The following PRDM5 variants were observed in gnomAD, a reference collection of about 807,000 sequenced individuals.
The protein encoded by PRDM5 is PR domain zinc finger protein 5.
In PRDM5, 56 loss-of-function variants were observed where a neutral mutation model predicts 81.2. The ratio of observed to expected loss-of-function variants is 0.69; its 90% CI spans 0.56 to 0.86. The LOEUF (loss-of-function observed/expected upper bound fraction) is 0.86, where lower values mean the gene tolerates loss of function less well. Ranked by LOEUF, PRDM5 falls within the 40% of genes least tolerant of loss-of-function variation. The pLI is 0.00. For missense variants in PRDM5, 697 were observed against 770.1 expected (o/e 0.91, Z 1.12); for synonymous variants, 267 against 256.4 (o/e 1.04, Z -0.39).
intron 2 of PRDM5, among the ~76,000 whole-genome samples, chr4:120,863,174 A>T (rs1760803868): frequency 1.2e-5 from 1 of 80,018 alleles, no homozygotes; most frequent in South Asian, 4.7e-4. Context: ...AAAAAAAAAA[A>T]AATATATATA....
At chr4:120,849,491 A>G (rs1759024895) in intron 3 of PRDM5, among the ~76,000 whole-genome samples, 4 of 152,130 alleles carry the variant, frequency 2.6e-5, no homozygotes. Context: ...CCATCCTCAC[A>G]TCCTGACACC....
At chr4:120,876,534 A>G (rs1486895838) in intron 2 of PRDM5, among the ~76,000 whole-genome samples, 1 of 152,206 alleles carries the variant, frequency 6.6e-6, no homozygotes, top group Non-Finnish European at 1.5e-5. Context: ...TTTTAGGAAC[A>G]TATATTGCAT....
chr4:120,919,982 C>CA (rs1188496122), intron 1 of PRDM5, among the ~76,000 whole-genome samples: 1 of 151,866 alleles, frequency 6.6e-6, no homozygotes, highest in African/African-American at 2.4e-5. Context: ...AACAGACCAG[C>CA]AAAAAAGGAT....
chr4:120,773,805 C>T (rs891855094), intron 13 of PRDM5, among the ~76,000 whole-genome samples: 2 of 152,126 alleles, frequency 1.3e-5, no homozygotes, highest in Admixed American at 6.5e-5. Flanking sequence ...TCAAATTCTG[C>T]AATCAAAAGA....
chr4:120,786,417 T>C (rs570110790), intron 10 of PRDM5, among the ~76,000 whole-genome samples: 1 of 152,060 alleles, frequency 6.6e-6, no homozygotes, highest in Non-Finnish European at 1.5e-5. Flanking sequence ...AACAAGTAGG[T>C]CTCTTGCATT....
intron 2 of PRDM5, among the ~76,000 whole-genome samples, chr4:120,899,988 A>T (rs540339143): frequency 6.6e-6 from 1 of 152,274 alleles, no homozygotes; most frequent in African/African-American, 2.4e-5. Context: ...CAGATGGGAG[A>T]GATGCATAGA....
At chr4:120,903,349 T>C (rs1333961923) in intron 2 of PRDM5, among the ~76,000 whole-genome samples, 1 of 152,158 alleles carries the variant, frequency 6.6e-6, no homozygotes, top group Non-Finnish European at 1.5e-5. Flanking sequence ...GGACCAGTTA[T>C]TCTCCTGTAT....
chr4:120,815,259 AG>A (rs1402616755), intron 7 of PRDM5, among the ~76,000 whole-genome samples: 1 of 151,960 alleles, frequency 6.6e-6, no homozygotes, highest in African/African-American at 2.4e-5. Flanking sequence ...TTGCAATCAT[AG>A]GGAAGACCCC....
intron 15 of PRDM5, among the ~76,000 whole-genome samples, chr4:120,708,467 T>C (rs948719818): frequency 1.3e-5 from 2 of 151,994 alleles, no homozygotes; most frequent in Non-Finnish European, 2.9e-5. Context: ...AGCAGATTGG[T>C]AGCTGTTAAG....
intron 14 of PRDM5, among the ~76,000 whole-genome samples, chr4:120,734,421 T>TACACACACACACACACACACACACAC (rs149559268): frequency 7.1e-4 from 98 of 138,172 alleles, no homozygotes; most frequent in African/African-American, 2.6e-3. Flanking sequence ...CACACACAAA[T>TACACACACACACACACACACACACAC]ACACACACAC....
chr4:120,889,451 C>A (rs969569263), intron 2 of PRDM5, among the ~76,000 whole-genome samples: 1 of 152,060 alleles, frequency 6.6e-6, no homozygotes, highest in Non-Finnish European at 1.5e-5. Context: ...TTTTTTACTT[C>A]AAAGCTGCCT....
intron 15 of PRDM5, among the ~76,000 whole-genome samples, chr4:120,697,957 A>C (rs1734757132): frequency 1.6e-5 from 1 of 64,142 alleles, no homozygotes; most frequent in South Asian, 3.5e-4. Flanking sequence ...TACAAATAAA[A>C]TAAAATAAAA....
At chr4:120,921,312 C>T (rs1477991437) in intron 1 of PRDM5, among the ~76,000 whole-genome samples, 2 of 152,180 alleles carry the variant, frequency 1.3e-5, no homozygotes, top group African/African-American at 4.8e-5. Flanking sequence ...ATTCAATACA[C>T]CTCTAATTCA....
rs1476122783 is a variant in PRDM5 at position 120,811,369 on chromosome 4, CCTTT to C, written c.942_945del (p.Lys315PhefsTer11). 6.3e-7 allele frequency: 1 copy of C among 1,576,594 alleles called. No individual in the cohort carries two copies. The highest frequency in any genetic ancestry group is 8.7e-7 in the Non-Finnish European group (1 of 1,149,814). ...CTGTGATGAATTTTTATCTTACTGA[CCTTT>C]CTATGTTCCTGTAGGCTTGATGCTG... On this transcript the variant is annotated frameshift_variant and splice_region_variant, in exon 8 of 16. Transcript: ENST00000264808. LOFTEE classifies it high-confidence loss of function.
chr4:120,850,838 G>C (rs4833688), intron 3 of PRDM5, among the ~76,000 whole-genome samples: 18,288 of 152,144 alleles, frequency 0.12, 1,311 homozygotes, highest in East Asian at 0.17. Flanking sequence ...AAAGTACTGC[G>C]TGGAATGTAC....
intron 7 of PRDM5, 179 bp downstream of exon 7, chr4:120,816,274 T>C: frequency 1.0e-6 from 1 of 958,980 alleles, no homozygotes; most frequent in South Asian, 1.5e-5. Flanking sequence ...TGCTGCTAAA[T>C]TCAACCTGAG....
intron 15 of PRDM5, among the ~76,000 whole-genome samples, chr4:120,703,080 AT>A (rs1735610456): frequency 1.3e-5 from 2 of 151,902 alleles, no homozygotes; most frequent in South Asian, 2.1e-4. Flanking sequence ...GATTCTTCTC[AT>A]CTTTTAGGTT....
At chr4:120,728,747 T>A (rs1296436475) in intron 14 of PRDM5, among the ~76,000 whole-genome samples, 1 of 152,140 alleles carries the variant, frequency 6.6e-6, no homozygotes, top group Admixed American at 6.5e-5. Context: ...TATTTTAAAA[T>A]GCTCTAGAAA....
chr4:120,906,886 G>A (rs747234119), intron 2 of PRDM5, among the ~76,000 whole-genome samples: 2 of 151,620 alleles, frequency 1.3e-5, no homozygotes, highest in Non-Finnish European at 2.9e-5. Flanking sequence ...TCTAAATTCA[G>A]GGCATGCTTA....
Sources: gnomAD v4.1 joint callset for allele counts (sites outside exome capture counted in the v4.1 genomes callset) on GRCh38, gnomAD v4.1.1 for gene constraint, MANE v1.5 for transcripts, NCBI Gene and HGNC (gene_info 2026-07-23, HGNC 2026-07-21) for gene names.